The following KDM4C variants were observed in gnomAD, a reference collection of about 807,000 sequenced individuals.
KDM4C encodes lysine demethylase 4C.
KDM4C carries 81 observed loss-of-function variants against 129.3 expected under a neutral mutation model. That is an observed-to-expected ratio of 0.63 (90% CI 0.52 to 0.75). The LOEUF (loss-of-function observed/expected upper bound fraction) is 0.75, where lower values mean the gene tolerates loss of function less well. Ranked by LOEUF, KDM4C falls within the 30% of genes least tolerant of loss-of-function variation. The pLI is 0.00. For synonymous variants in KDM4C, 573 were observed against 456.1 expected (o/e 1.26, Z -3.26); for missense variants, 1,457 against 1,304.0 (o/e 1.12, Z -1.81).
chr9:6,756,517 G>A (rs1044661706), upstream of KDM4C, among the ~76,000 whole-genome samples: 3 of 152,226 alleles, frequency 2.0e-5, no homozygotes, highest in Non-Finnish European at 4.4e-5. Context: ...AGGAGTTTGT[G>A]ACCAGCCTGG....
intron 8 of KDM4C, among the ~76,000 whole-genome samples, chr9:6,900,955 T>C (rs1817299625): frequency 7.3e-6 from 1 of 136,188 alleles, no homozygotes; most frequent in African/African-American, 2.9e-5. Flanking sequence ...TGTAGCACTT[T>C]TGAAGCTTTA....
At chr9:6,843,274 G>A (rs1218807509) in intron 4 of KDM4C, among the ~76,000 whole-genome samples, 4 of 152,234 alleles carry the variant, frequency 2.6e-5, no homozygotes, top group Non-Finnish European at 4.4e-5. Context: ...CCTCTTTGAA[G>A]TGGAATGGGC....
intron 8 of KDM4C, among the ~76,000 whole-genome samples, chr9:6,939,642 A>C (rs942045714): frequency 3.3e-5 from 5 of 152,206 alleles, no homozygotes; most frequent in Admixed American, 1.3e-4. Flanking sequence ...GGTTATGGTT[A>C]CTTAGAGCTA....
At position 7,104,704 on chromosome 9, in the gene KDM4C, G is replaced by C. The variant is rs529247882; in HGVS notation, c.2610+834G>C. 5.3e-5 allele frequency among the ~76,000 whole-genome samples: 8 copies of C among 152,312 alleles called. No individual in the cohort carries two copies. The East Asian group carries it at 5.8e-4, about 11-fold the overall frequency. ...AAATAGGAGGCTAAAGCATTGTCTA[G>C]ATGCTCAGCTCTGCTAACTTGCCGC... On this transcript the variant is annotated intron_variant, in intron 18 of 21. Transcript: ENST00000381309.
Position 7,094,488 on chromosome 9 carries a change from G to C in KDM4C, c.2425-9197G>C, listed in dbSNP as rs956406312. On this transcript the variant is annotated intron_variant, in intron 17 of 21. Transcript: ENST00000381309. ...GGAAACCCCAAATTTATCTCATCTA[G>C]AAGACGAATCTACAAACTCACTGCT... 2.0e-5 allele frequency among the ~76,000 whole-genome samples: 3 copies of C among 152,130 alleles called. No homozygotes were observed. The South Asian group carries it at 6.2e-4, about 32-fold the overall frequency.
At chr9:7,018,830 A>T (rs1158483116) in intron 15 of KDM4C, among the ~76,000 whole-genome samples, 1 of 152,248 alleles carries the variant, frequency 6.6e-6, no homozygotes, top group Non-Finnish European at 1.5e-5. Context: ...GACTTAAAGC[A>T]TCTTTCTATT....
chr9:6,936,268 G>T (rs1824763090), intron 8 of KDM4C, among the ~76,000 whole-genome samples: 1 of 152,122 alleles, frequency 6.6e-6, no homozygotes, highest in Non-Finnish European at 1.5e-5. Context: ...TTTTACATAT[G>T]TTAGAAAGAT....
intron 7 of KDM4C, among the ~76,000 whole-genome samples, chr9:6,891,409 A>G (rs1190117837): frequency 6.6e-6 from 1 of 152,274 alleles, no homozygotes; most frequent in Non-Finnish European, 1.5e-5. Flanking sequence ...TTCAGTAACA[A>G]AAGATCATAC....
intron 15 of KDM4C, among the ~76,000 whole-genome samples, chr9:7,025,194 C>T (rs1475651367): frequency 2.0e-5 from 3 of 151,968 alleles, no homozygotes; most frequent in African/African-American, 4.8e-5. Context: ...CTCTTTTTTG[C>T]TTTTGTCGCC....
chr9:7,108,911 T>G (rs1838006609), intron 18 of KDM4C, among the ~76,000 whole-genome samples: 1 of 152,142 alleles, frequency 6.6e-6, no homozygotes, highest in Admixed American at 6.5e-5. Flanking sequence ...ATGAAAAAAA[T>G]AAGAATCAGT....
rs1491536417 is a variant in KDM4C, at chr9:6,737,016, A to AT, written c.49+16021dup. 2.1e-5 allele frequency among the ~76,000 whole-genome samples: 3 copies of AT among 144,600 alleles called. No individual in the cohort carries two copies. In the East Asian group the frequency reaches 6.2e-4, roughly 30 times the overall value. 94.9% of individuals were successfully genotyped at this position (144,600 alleles called of 152,430 possible). On this transcript the variant is annotated intron_variant, in intron 1 of 17. Transcript: ENST00000536108. ...CAGTGAGCCAAGATCACACCACTAC[A>AT]TTCCAGACTGGGCGACACAGCGAGA...
chr9:7,167,224 C>G (rs553606821), intron 20 of KDM4C, among the ~76,000 whole-genome samples: 1 of 152,260 alleles, frequency 6.6e-6, no homozygotes, highest in South Asian at 2.1e-4. Flanking sequence ...CCAAAATTCT[C>G]TCTCAGCTCT....
At chr9:7,026,363 A>G (rs1267045241) in intron 15 of KDM4C, among the ~76,000 whole-genome samples, 1 of 152,078 alleles carries the variant, frequency 6.6e-6, no homozygotes, top group Non-Finnish European at 1.5e-5. Flanking sequence ...ATTTTAGGGT[A>G]AATGTTTTTT....
At chr9:6,726,864 T>C (rs1361507962) in intron 1 of KDM4C, 1 of 152,070 alleles carries the variant, frequency 6.6e-6, no homozygotes, top group Admixed American at 6.6e-5. Flanking sequence ...GCCTCCTGAG[T>C]AGCTGGGATT....
chr9:7,131,620 A>G (rs1840651861), intron 19 of KDM4C, among the ~76,000 whole-genome samples: 1 of 152,118 alleles, frequency 6.6e-6, no homozygotes, highest in African/African-American at 2.4e-5. Context: ...GCCCAGCCCC[A>G]CACACCATTA....
At chr9:7,143,482 C>T (rs1841952162) in intron 19 of KDM4C, among the ~76,000 whole-genome samples, 1 of 152,204 alleles carries the variant, frequency 6.6e-6, no homozygotes, top group Non-Finnish European at 1.5e-5. Flanking sequence ...TGATGTGATT[C>T]TGAACCGGGC....
intron 17 of KDM4C, among the ~76,000 whole-genome samples, chr9:7,051,953 C>T (rs919466745): frequency 6.6e-6 from 1 of 152,102 alleles, no homozygotes; most frequent in Non-Finnish European, 1.5e-5. Context: ...GCAGCCTTCA[C>T]CAAACAGGCA....
intron 4 of KDM4C, among the ~76,000 whole-genome samples, chr9:6,816,969 C>T (rs1373999244): frequency 1.3e-5 from 2 of 151,532 alleles, no homozygotes; most frequent in East Asian, 3.9e-4. Context: ...TTTTTAATTG[C>T]TGAACACTTA....
chr9:6,737,640 G>C (rs1313465003), intron 1 of KDM4C, among the ~76,000 whole-genome samples: 6 of 142,638 alleles, frequency 4.2e-5, no homozygotes, highest in Non-Finnish European at 7.6e-5. Context: ...TTCCAGCCTG[G>C]GGGACAAGAG....
Sources: allele counts gnomAD v4.1 joint callset (sites outside exome capture counted in the v4.1 genomes callset), GRCh38; gene constraint gnomAD v4.1.1; transcripts MANE v1.5; gene names NCBI Gene and HGNC (gene_info 2026-07-23, HGNC 2026-07-21).